RORA: variants seen among roughly 807,000 people sequenced by gnomAD.
The protein encoded by RORA is nuclear receptor ROR-alpha.
RORA carries 7 observed loss-of-function variants against 69.5 expected under a neutral mutation model. The ratio of observed to expected loss-of-function variants is 0.10; its 90% confidence interval spans 0.06 to 0.19. RORA has a LOEUF of 0.19. Among genes scored for constraint, RORA ranks in the 10% least tolerant of loss-of-function variants. RORA has a pLI of 1.00. For synonymous variants in RORA, 261 were observed against 240.8 expected, an observed-to-expected ratio of 1.08 and a Z score of -0.78; for missense variants, 457 against 663.0, an observed-to-expected ratio of 0.69 and a Z score of 3.41.
intron 2 of RORA, chr15:60,593,038 A>G: frequency 2.3e-6 from 1 of 440,454 alleles, no homozygotes; most frequent in Non-Finnish European, 4.5e-6. Flanking sequence ...TCTAATCGGA[A>G]GGTACGGCCC....
chr15:60,922,942 G>C (rs1459336877), intron 1 of RORA, among the ~76,000 whole-genome samples: 1 of 152,202 alleles, frequency 6.6e-6, no homozygotes, highest in Non-Finnish European at 1.5e-5. Flanking sequence ...ATTCTGTAAG[G>C]GGTATTTCCG....
intron 1 of RORA, among the ~76,000 whole-genome samples, chr15:60,887,754 T>G (rs2073767490): frequency 6.6e-6 from 1 of 152,158 alleles, no homozygotes; most frequent in African/African-American, 2.4e-5. Flanking sequence ...ATCCAGGCTG[T>G]GGGGCTGTCC....
At chr15:60,979,315 T>C (rs1893969690) in intron 1 of RORA, among the ~76,000 whole-genome samples, 1 of 137,342 alleles carries the variant, frequency 7.3e-6, no homozygotes, top group African/African-American at 2.7e-5. Context: ...GGCTATCCAA[T>C]GTCCCTTTCA....
intron 1 of RORA, among the ~76,000 whole-genome samples, chr15:60,717,801 T>TG (rs1440466843): frequency 7.0e-6 from 1 of 142,762 alleles, no homozygotes; most frequent in African/African-American, 2.6e-5. Context: ...TTTCTCTTTT[T>TG]TTTTTTTTTT....
intron 2 of RORA, among the ~76,000 whole-genome samples, chr15:60,561,082 G>GTTT (rs571970599): frequency 7.1e-4 from 87 of 122,026 alleles, no homozygotes; most frequent in African/African-American, 1.9e-3. Context: ...TTTTGTTTTT[G>GTTT]TTTTTTTTTT....
chr15:60,701,676 G>T (rs955776978), intron 1 of RORA, among the ~76,000 whole-genome samples: 1 of 152,100 alleles, frequency 6.6e-6, no homozygotes, highest in African/African-American at 2.4e-5. Flanking sequence ...TCCCCGACTC[G>T]GTCTGCTGTG....
In RORA at chr15:60,602,051, C is replaced by T. The variant is rs566058150; in HGVS notation, c.197-70200G>A. ...CGTAATAGTCTTGGAAAGCCCAACTCGCCCATTATTTCAAAGGTTAGGTAC... is the reference window on the plus strand; with the variant it reads ...CGTAATAGTCTTGGAAAGCCCAACTTGCCCATTATTTCAAAGGTTAGGTAC... On this transcript the variant is annotated intron_variant, in intron 2 of 10. Transcript: ENST00000335670. Among the ~76,000 whole-genome samples the T allele has an allele frequency of 1.6e-4, 25 of 152,258 alleles. No individual in the cohort carries two copies. The South Asian group carries it at 2.7e-3, about 16-fold the overall frequency.
rs75673483 is a variant in RORA at position 60,811,380 on chromosome 15, A to G, written c.167-132694T>C. Among the ~76,000 whole-genome samples, 3 of 152,314 alleles carry G rather than the reference A, an allele frequency of 2.0e-5. No individual in the cohort carries two copies. The East Asian group carries it at 5.8e-4, about 29-fold the overall frequency. On this transcript the variant is annotated intron_variant, in intron 1 of 10. Coordinates refer to ENST00000335670, the MANE Select transcript of RORA (RefSeq NM_134261.3). ...TTGGGATTCAGCTTTCCTGTATCTGATAAGTCAGTTATCTCTATTCCATCT... is the reference window on the plus strand; with the variant it reads ...TTGGGATTCAGCTTTCCTGTATCTGGTAAGTCAGTTATCTCTATTCCATCT...
chr15:60,788,172 A>T (rs997167335), intron 1 of RORA, among the ~76,000 whole-genome samples: 21 of 152,240 alleles, frequency 1.4e-4, no homozygotes, highest in Admixed American at 1.2e-3. Flanking sequence ...GGGTAGGCTG[A>T]AATTTCCGGG....
At chr15:60,879,683 A>G (rs1035389567) in intron 1 of RORA, among the ~76,000 whole-genome samples, 6 of 152,252 alleles carry the variant, frequency 3.9e-5, no homozygotes, top group African/African-American at 1.4e-4. Context: ...AGTGGCACCA[A>G]TGGAGATCAG....
intron 1 of RORA, among the ~76,000 whole-genome samples, chr15:60,843,576 G>A (rs2073228039): frequency 6.6e-6 from 1 of 152,188 alleles, no homozygotes; most frequent in Non-Finnish European, 1.5e-5. Flanking sequence ...AGGGCAAGAT[G>A]AGTTACAAGA....
chr15:60,511,152 G>C lies in RORA; in HGVS notation c.820+74C>G. ...GCATCATTTAGCAGAACTCATTAGA[G>C]GAAAGTCAGACATACCCCTTTTACT... On this transcript the variant is annotated intron_variant, in intron 5 of 10. Transcript: ENST00000335670. The surrounding 1 kb of genome is among the most constrained non-coding windows in gnomAD (Gnocchi z 6.4). 6.8e-7 allele frequency: 1 copy of C among 1,474,012 alleles called. No individual in the cohort carries two copies. Among genetic ancestry groups the C allele is most frequent in the Admixed American group, 2.0e-5 (1 of 49,036 alleles). 91.3% of individuals were successfully genotyped at this position (1,474,012 alleles called of 1,614,324 possible). A position where few individuals can be genotyped will look rare whatever the true frequency, so the allele number is the denominator to read the frequency against.
At chr15:60,846,617 A>G (rs771722046) in intron 1 of RORA, among the ~76,000 whole-genome samples, 2 of 152,212 alleles carry the variant, frequency 1.3e-5, no homozygotes, top group Non-Finnish European at 2.9e-5. Context: ...CTCACACATT[A>G]GAGCTTTTGT....
At chr15:60,669,673 C>A (rs2070435579) in intron 2 of RORA, among the ~76,000 whole-genome samples, 1 of 152,184 alleles carries the variant, frequency 6.6e-6, no homozygotes, top group African/African-American at 2.4e-5. Flanking sequence ...CCTGATCACA[C>A]CTAATTCTTG....
rs1420877929 is a variant in RORA at position 61,147,131 on chromosome 15, T to C, written c.166+81922A>G. 6.6e-6 allele frequency among the ~76,000 whole-genome samples: 1 copy of C among 152,204 alleles called. No individual in the cohort carries two copies. Among genetic ancestry groups the C allele is most frequent in the Non-Finnish European group, 1.5e-5 (1 of 68,042 alleles). ...AGGTTAGATTTTGGCAGATGCCTCA[T>C]GCATTCTGGCCATTTTCGGGCTTAT... On this transcript the variant is annotated intron_variant, in intron 1 of 10. Coordinates refer to ENST00000335670, the MANE Select transcript of RORA (RefSeq NM_134261.3). This position sits in a 1 kb window ranked among gnomAD's most constrained non-coding sequence, Gnocchi z 4.1.
In RORA at chr15:60,961,782, G is replaced by T. The variant is rs551509677; in HGVS notation, c.166+267271C>A. On this transcript the variant is annotated intron_variant, in intron 1 of 10. Coordinates refer to ENST00000335670, the MANE Select transcript of RORA (RefSeq NM_134261.3). ...ACACAAGCACATGCTAACTTGATGGGCAGTGTAATGAGACACAGATTGTAT... is the reference window on the plus strand; with the variant it reads ...ACACAAGCACATGCTAACTTGATGGTCAGTGTAATGAGACACAGATTGTAT... 2.0e-5 allele frequency among the ~76,000 whole-genome samples: 3 copies of T among 152,350 alleles called. No homozygotes were observed. The South Asian group carries it at 6.2e-4, about 32-fold the overall frequency.
chr15:60,587,032 CAA>C (rs2068356234), intron 2 of RORA, among the ~76,000 whole-genome samples: 1 of 152,176 alleles, frequency 6.6e-6, no homozygotes, highest in Admixed American at 6.5e-5. Context: ...TTATACTACA[CAA>C]AGTCATATTA....
At chr15:60,897,224 G>A (rs530376652) in intron 1 of RORA, among the ~76,000 whole-genome samples, 4 of 152,330 alleles carry the variant, frequency 2.6e-5, no homozygotes, top group African/African-American at 9.6e-5. Flanking sequence ...TCACTCATCT[G>A]TGGATCACCA....
chr15:60,760,214 C>T (rs1440344374), intron 1 of RORA, among the ~76,000 whole-genome samples: 2 of 151,958 alleles, frequency 1.3e-5, no homozygotes, highest in East Asian at 3.9e-4. Context: ...GTCAATTGAT[C>T]GTTGGGGTGG....
Sources: allele counts gnomAD v4.1 joint callset (sites outside exome capture counted in the v4.1 genomes callset), GRCh38; gene constraint gnomAD v4.1.1; non-coding constraint Gnocchi (gnomAD v3.1); transcripts MANE v1.5; gene names NCBI Gene and HGNC (gene_info 2026-07-23, HGNC 2026-07-21).